The following RAD51AP1 variants were observed in gnomAD, a reference collection of about 807,000 sequenced individuals.
RAD51AP1 encodes RAD51 associated protein 1.
RAD51AP1 carries 14 observed loss-of-function variants against 34.3 expected under a neutral mutation model. That is an observed-to-expected ratio of 0.41 (90% CI 0.27 to 0.64). RAD51AP1 has a LOEUF of 0.64. Ranked by LOEUF, RAD51AP1 falls within the 30% of genes least tolerant of loss-of-function variation. The pLI, the probability that RAD51AP1 is intolerant of heterozygous loss-of-function variation, is 0.33. For synonymous variants in RAD51AP1, 114 were observed against 129.8 expected (o/e 0.88, Z 0.83); for missense variants, 348 against 386.9 (o/e 0.90, Z 0.84).
In RAD51AP1 at chr12:4,555,236, C is replaced by G. The variant is rs1011319152; in HGVS notation, c.722-1117C>G. Among the ~76,000 whole-genome samples, 7 of 152,258 alleles carry G rather than the reference C, an allele frequency of 4.6e-5. No homozygotes were observed. In the East Asian group the frequency reaches 1.3e-3, roughly 29 times the overall value. ...ACATACTTCCAGGCTTGTGTTTATT[C>G]TCTAGATAAATGGCACCATCAAAGT... On this transcript the variant is annotated intron_variant, in intron 7 of 8. Coordinates refer to ENST00000352618, the MANE Select transcript of RAD51AP1 (RefSeq NM_006479.5).
chr12:4,558,357 T>C (rs551729126), intron 8 of RAD51AP1, among the ~76,000 whole-genome samples: 1 of 152,248 alleles, frequency 6.6e-6, no homozygotes, highest in Admixed American at 6.5e-5. Context: ...CTGTGAACAT[T>C]CATGTGGATA....
chr12:4,541,182 T>G (rs997012893), intron 1 of RAD51AP1, among the ~76,000 whole-genome samples: 25 of 152,170 alleles, frequency 1.6e-4, no homozygotes, highest in African/African-American at 6.0e-4. Flanking sequence ...TTGGAGCACT[T>G]CAGATTTTAG....
At chr12:4,544,669 T>C (rs1188091550) in intron 3 of RAD51AP1, among the ~76,000 whole-genome samples, 1 of 152,058 alleles carries the variant, frequency 6.6e-6, no homozygotes, top group Non-Finnish European at 1.5e-5. Context: ...TGGGAGAAAA[T>C]ATTTGTAAAT....
At chr12:4,554,212 T>C (rs1171175058) in intron 7 of RAD51AP1, among the ~76,000 whole-genome samples, 1 of 152,110 alleles carries the variant, frequency 6.6e-6, no homozygotes. Flanking sequence ...TCCTTGAGGG[T>C]GCATTTCTTG....
At chr12:4,555,007 T>C (rs916100499) in intron 7 of RAD51AP1, among the ~76,000 whole-genome samples, 1 of 152,300 alleles carries the variant, frequency 6.6e-6, no homozygotes, top group African/African-American at 2.4e-5. Flanking sequence ...ACAAAACATT[T>C]CTATAATCAC....
At chr12:4,553,981 A>G (rs2137285293) in intron 7 of RAD51AP1, among the ~76,000 whole-genome samples, 1 of 152,262 alleles carries the variant, frequency 6.6e-6, no homozygotes, top group African/African-American at 2.4e-5. Context: ...ATGAGAATTA[A>G]GTACTGATTG....
At chr12:4,542,649 T>A (rs1944476161) in intron 2 of RAD51AP1, among the ~76,000 whole-genome samples, 1 of 149,202 alleles carries the variant, frequency 6.7e-6, no homozygotes, top group Non-Finnish European at 1.5e-5. Flanking sequence ...GTGGGGGGAG[T>A]CCTAAGTTAT....
intron 4 of RAD51AP1, 71 bp downstream of exon 4, chr12:4,546,489 C>A (rs1944507376): frequency 1.8e-6 from 2 of 1,121,494 alleles, no homozygotes; most frequent in Non-Finnish European, 2.7e-6. Flanking sequence ...TTTGGGTGGG[C>A]CTTCACAGAG....
chr12:4,540,925 T>G (rs1200851421), intron 1 of RAD51AP1, among the ~76,000 whole-genome samples: 6 of 152,170 alleles, frequency 3.9e-5, no homozygotes, highest in Admixed American at 3.9e-4. Flanking sequence ...TCTTTTTACT[T>G]GAAAGAACAA....
intron 8 of RAD51AP1, among the ~76,000 whole-genome samples, chr12:4,557,934 T>C (rs1944593914): frequency 6.6e-6 from 1 of 152,110 alleles, no homozygotes; most frequent in Non-Finnish European, 1.5e-5. Context: ...AAGCCAGAAA[T>C]CCAGATTTTA....
chr12:4,547,343 C>G (rs753049426), intron 4 of RAD51AP1, among the ~76,000 whole-genome samples: 1 of 152,134 alleles, frequency 6.6e-6, no homozygotes, highest in African/African-American at 2.4e-5. Flanking sequence ...GGATTACAGG[C>G]GAGAGCCACC....
chr12:4,546,321 T>G lies in RAD51AP1; in HGVS notation c.222T>G (p.Asp74Glu), dbSNP rs1458418795. 5 of 1,607,870 alleles carry G rather than the reference T, an allele frequency of 3.1e-6. No homozygotes were observed. The highest frequency in any genetic ancestry group is 4.2e-6 in the Non-Finnish European group (5 of 1,177,368). Residue 74 changes from aspartate to glutamate, a missense_variant, in exon 4 of 9, where the codon GAT becomes GAG. By Grantham distance (45) the Asp-to-Glu change is conservative. Transcript: ENST00000352618. ...GTATCTATTTTAGGATGGCTTTAGA[T>G]GACAAGCTCTACCAGAGAGACTTAG... is the stretch of plus-strand genomic sequence containing the variant. ...EKTPKKRMAL[D>E]DKLYQRDLEV... is the part of the protein sequence containing the mutation.
At position 4,548,786 on chromosome 12, in the gene RAD51AP1, A is replaced by T; in HGVS notation, c.506A>T (p.Glu169Val). ...AAAQQRKILLEGSDGDSANDT... is the reference protein window; with the variant it reads ...AAAQQRKILLVGSDGDSANDT... ...GCACAGCAGAGGAAGATTCTTCTGG[A>T]AGGCAGTGATGGTGATAGTGCTAAT... The change falls in exon 6 of 9, where the codon GAA (glutamate) becomes GTA (valine). Residue 169 changes from glutamate to valine, a missense_variant. Physicochemically the swap from Glu to Val is moderately radical, Grantham distance 121 (BLOSUM62 -2). Transcript: ENST00000352618. The T allele has an allele frequency of 6.2e-7, 1 of 1,614,128 alleles. No homozygotes were observed. The highest frequency in any genetic ancestry group is 8.5e-7 in the Non-Finnish European group (1 of 1,179,968).
Position 4,538,895 on chromosome 12 carries a change from C to G in RAD51AP1, c.-45C>G. ...CGGGAATTGAAACCGCCGCTGAAGC[C>G]AACAAGAATTTGAGAACTGTAAATA... On this transcript the variant is annotated 5_prime_UTR_variant, in exon 1 of 9. Coordinates refer to ENST00000352618, the MANE Select transcript of RAD51AP1 (RefSeq NM_006479.5). 6.2e-7 allele frequency: 1 copy of G among 1,610,688 alleles called. No homozygotes were observed. The highest frequency in any genetic ancestry group is 8.5e-7 in the Non-Finnish European group (1 of 1,177,372).
rs565264049 is a variant in RAD51AP1 at position 4,555,493 on chromosome 12, T to C, written c.722-860T>C. Reference sequence around the variant, plus strand: ...ATACAAATCACTCCTGAGAAAAATATGTGCATGACTGTGACTAGCCAGACT... The same window carrying C: ...ATACAAATCACTCCTGAGAAAAATACGTGCATGACTGTGACTAGCCAGACT... On this transcript the variant is annotated intron_variant, in intron 7 of 8. Coordinates refer to ENST00000352618, the MANE Select transcript of RAD51AP1 (RefSeq NM_006479.5). 1.1e-4 allele frequency among the ~76,000 whole-genome samples: 16 copies of C among 152,270 alleles called. No individual in the cohort carries two copies. The East Asian group carries it at 2.9e-3, about 28-fold the overall frequency.
At chr12:4,544,361 A>G (rs1356026787) in intron 3 of RAD51AP1, among the ~76,000 whole-genome samples, 2 of 152,210 alleles carry the variant, frequency 1.3e-5, no homozygotes, top group Non-Finnish European at 2.9e-5. Flanking sequence ...AGAAGTTCCC[A>G]TAGTTTCTAG....
chr12:4,558,994 G>C lies in RAD51AP1; in HGVS notation c.*1G>C, dbSNP rs1463953178. 2.5e-6 allele frequency: 4 copies of C among 1,613,804 alleles called. No homozygotes were observed. The African/African-American group carries it at 5.3e-5, about 22-fold the overall frequency. ...GCATCCAAATGCCACTAGCACCTGA[G>C]TGTGGTACAGGAGGAATGTTTGGTT... On this transcript the variant is annotated 3_prime_UTR_variant, in exon 9 of 9. Transcript: ENST00000352618.
chr12:4,542,917 G>A (rs960907622), intron 2 of RAD51AP1, among the ~76,000 whole-genome samples: 4 of 152,198 alleles, frequency 2.6e-5, no homozygotes, highest in Admixed American at 2.6e-4. Flanking sequence ...AGTTACTTTG[G>A]TAGGATCTTA....
intron 6 of RAD51AP1, among the ~76,000 whole-genome samples, chr12:4,549,544 T>C (rs948413565): frequency 6.6e-6 from 1 of 152,020 alleles, no homozygotes; most frequent in Non-Finnish European, 1.5e-5. Context: ...AGGGATACAA[T>C]AGTGAAAAAA....
Sources: gnomAD v4.1 joint callset for allele counts (sites outside exome capture counted in the v4.1 genomes callset) on GRCh38, gnomAD v4.1.1 for gene constraint, MANE v1.5 for transcripts, NCBI Gene and HGNC (gene_info 2026-07-23, HGNC 2026-07-21) for gene names.